SPTLC2: variants seen among roughly 807,000 people sequenced by gnomAD.
SPTLC2 encodes serine palmitoyltransferase long chain base subunit 2.
SPTLC2 carries 21 observed loss-of-function variants against 62.0 expected under a neutral mutation model. The ratio of observed to expected loss-of-function variants is 0.34; its 90% CI spans 0.24 to 0.49. SPTLC2 has a LOEUF of 0.49. Among genes scored for constraint, SPTLC2 ranks in the 20% least tolerant of loss-of-function variants. The probability of loss-of-function intolerance (pLI) is 0.99; values close to 1 mark genes in which losing one functional copy is unlikely to be tolerated. For synonymous variants in SPTLC2, 261 were observed against 261.8 expected (o/e 1.00, Z 0.03); for missense variants, 511 against 713.0 (o/e 0.72, Z 3.23).
intron 9 of SPTLC2, among the ~76,000 whole-genome samples, chr14:77,532,759 G>C (rs1416675133): frequency 6.6e-6 from 1 of 151,580 alleles, no homozygotes; most frequent in Non-Finnish European, 1.5e-5. Context: ...ACTCCAGCCT[G>C]GGCAACAGAG....
intron 10 of SPTLC2, 107 bp from the exon 11 acceptor site, chr14:77,518,274 G>A: frequency 6.6e-7 from 1 of 1,523,752 alleles, no homozygotes; most frequent in South Asian, 1.2e-5. Flanking sequence ...GCAGGCATTG[G>A]AGACTTCTAA....
chr14:77,550,702 G>A (rs1432782920), intron 9 of SPTLC2, among the ~76,000 whole-genome samples: 2 of 151,920 alleles, frequency 1.3e-5, no homozygotes, highest in Non-Finnish European at 2.9e-5. Context: ...AGGGGTTCAA[G>A]ACCAACCTGG....
intron 2 of SPTLC2, among the ~76,000 whole-genome samples, chr14:77,594,199 G>A (rs1345896032): frequency 1.3e-5 from 2 of 152,062 alleles, no homozygotes; most frequent in African/African-American, 2.4e-5. Flanking sequence ...TTGTATAATG[G>A]TTTTGCAAAG....
rs2079969270 is a variant in SPTLC2, at chr14:77,616,552, A to G, written c.28T>C (p.Cys10Arg). The change falls in exon 1 of 12, where the codon TGC becomes CGC. Residue 10 changes from cysteine (C) to arginine (R), a missense_variant. Transcript: ENST00000216484. ...CCATTCGCCCGCACCGTGCGGCGGC[A>G]GCAGCAGCCTCCGGGCTCCGGCCGC... Reference protein sequence around the residue: MRPEPGGCCCRRTVRANGCV... With the variant: MRPEPGGCCRRRTVRANGCV... The G allele has an allele frequency of 5.2e-6, 8 of 1,536,492 alleles. No homozygotes were observed. Among genetic ancestry groups the G allele is most frequent in the African/African-American group, 2.7e-5 (2 of 72,980 alleles).
rs182617224 is a variant in SPTLC2 at position 77,511,613 on chromosome 14, G to C, written c.*671C>G. On this transcript the variant is annotated 3_prime_UTR_variant, in exon 12 of 12. Transcript: ENST00000216484. The stretch of plus-strand genomic sequence containing the variant: ...CACATCCTCAGACTGTGACCATTAT[G>C]AAGAAGTATTTGATGGTAAAGGAAG... 6.4e-6 allele frequency: 1 copy of C among 155,358 alleles called. No individual in the cohort carries two copies. The highest frequency in any genetic ancestry group is 1.9e-4 in the East Asian group (1 of 5,254). The allele number at this position is 155,358 out of a possible 1,614,324, so 9.6% of individuals were successfully genotyped here.
intron 8 of SPTLC2, among the ~76,000 whole-genome samples, chr14:77,554,582 CT>C (rs982861771): frequency 1.3e-5 from 2 of 152,166 alleles, no homozygotes; most frequent in Admixed American, 6.5e-5. Context: ...ACATATATTA[CT>C]TTTTAAACCC....
intron 4 of SPTLC2, among the ~76,000 whole-genome samples, chr14:77,571,985 A>T (rs1363780511): frequency 6.6e-6 from 1 of 151,848 alleles, no homozygotes; most frequent in Non-Finnish European, 1.5e-5. Flanking sequence ...GACAGGTTTC[A>T]CCATGCTGGC....
chr14:77,539,267 T>C (rs1400707463), intron 9 of SPTLC2, among the ~76,000 whole-genome samples: 1 of 151,882 alleles, frequency 6.6e-6, no homozygotes, highest in African/African-American at 2.4e-5. Flanking sequence ...TTTTATCTTC[T>C]AGGGAGATAT....
chr14:77,507,873 T>C lies in SPTLC2; in HGVS notation c.*4411A>G, dbSNP rs2079313486. The C allele has an allele frequency of 6.6e-6, 1 of 152,248 alleles. No individual in the cohort carries two copies. The highest frequency in any genetic ancestry group is 2.4e-5 in the African/African-American group (1 of 41,474). The allele number at this position is 152,248 out of a possible 1,614,324, so 9.4% of individuals were successfully genotyped here. A position where few individuals can be genotyped will look rare whatever the true frequency, so the allele number is the denominator to read the frequency against. Reference sequence around the variant, plus strand: ...TATACCTCCCCATTCACAACCCCTTTGGGCTAAGCTGATTTAAAAAACATT... The same window carrying C: ...TATACCTCCCCATTCACAACCCCTTCGGGCTAAGCTGATTTAAAAAACATT... On this transcript the variant is annotated 3_prime_UTR_variant, in exon 12 of 12. Coordinates refer to ENST00000216484, the MANE Select transcript of SPTLC2 (RefSeq NM_004863.4).
intron 9 of SPTLC2, among the ~76,000 whole-genome samples, chr14:77,543,316 G>A (rs910404172): frequency 6.6e-6 from 1 of 152,162 alleles, no homozygotes; most frequent in Admixed American, 6.5e-5. Context: ...GCCTCAGAAA[G>A]TCTTAATGGA....
rs375664112 is a variant in SPTLC2, at chr14:77,564,962, G to A, written c.757-2473C>T. Among the ~76,000 whole-genome samples, 27 of 152,006 alleles carry A rather than the reference G, an allele frequency of 1.8e-4. No individual in the cohort carries two copies. The East Asian group carries it at 2.7e-3, about 15-fold the overall frequency. On this transcript the variant is annotated intron_variant, in intron 5 of 11. Coordinates refer to ENST00000216484, the MANE Select transcript of SPTLC2 (RefSeq NM_004863.4). ...CACCATTAGAACACCAAGGTAAGCC[G>A]GGTGCGGTGGCTCACGCCTGTAATC...
At chr14:77,519,033 T>C (rs1371618960) in intron 10 of SPTLC2, among the ~76,000 whole-genome samples, 1 of 152,246 alleles carries the variant, frequency 6.6e-6, no homozygotes, top group Non-Finnish European at 1.5e-5. Context: ...TTAGTTAATT[T>C]TGTCTACTAA....
rs556378802 is a variant in SPTLC2, at chr14:77,562,346, C to T, written c.850+50G>A. On this transcript the variant is annotated intron_variant, in intron 6 of 11. Coordinates refer to ENST00000216484, the MANE Select transcript of SPTLC2 (RefSeq NM_004863.4). ...ACTAATGTTAACTCCCACCATGGATCGAAAGAATAGCAAAACCAAGGCCAG... is the reference window on the plus strand; with the variant it reads ...ACTAATGTTAACTCCCACCATGGATTGAAAGAATAGCAAAACCAAGGCCAG... 14 of 1,522,782 alleles carry T rather than the reference C, an allele frequency of 9.2e-6. No individual in the cohort carries two copies. In the African/African-American group the frequency reaches 1.1e-4, roughly 12 times the overall value. The allele number at this position is 1,522,782 out of a possible 1,614,324, so 94.3% of individuals were successfully genotyped here. A position where few individuals can be genotyped will look rare whatever the true frequency, so the allele number is the denominator to read the frequency against.
chr14:77,591,093 A>G (rs1302401828), intron 2 of SPTLC2, among the ~76,000 whole-genome samples: 1 of 152,226 alleles, frequency 6.6e-6, no homozygotes, highest in African/African-American at 2.4e-5. Flanking sequence ...TCCCTATAGT[A>G]AGTAGAGATG....
At chr14:77,570,309 A>G (rs2079673948) in intron 5 of SPTLC2, 75 bp downstream of exon 5, 1 of 1,567,140 alleles carries the variant, frequency 6.4e-7, no homozygotes, top group Non-Finnish European at 8.7e-7. Flanking sequence ...AACAGCTTTT[A>G]GCTCACTCTG....
chr14:77,540,458 T>C (rs1009705827), intron 9 of SPTLC2, among the ~76,000 whole-genome samples: 3 of 152,112 alleles, frequency 2.0e-5, no homozygotes, highest in South Asian at 2.1e-4. Flanking sequence ...ATTTTATTTA[T>C]TTTTACTTTT....
In SPTLC2 at chr14:77,565,892, T is replaced by C. The variant is rs575715354; in HGVS notation, c.757-3403A>G. 2.6e-5 allele frequency among the ~76,000 whole-genome samples: 4 copies of C among 152,348 alleles called. No homozygotes were observed. In the South Asian group the frequency reaches 8.3e-4, roughly 32 times the overall value. ...GAATGAATGGTATACAGGAACTCTC[T>C]GTACTCTTTTGTAACTCTTTTTGTA... On this transcript the variant is annotated intron_variant, in intron 5 of 11. Transcript: ENST00000216484.
chr14:77,546,645 T>TGAGCAG lies in SPTLC2; in HGVS notation c.1303+5450_1303+5451insCTGCTC, dbSNP rs2079529612. Among the ~76,000 whole-genome samples, 4 of 152,320 alleles carry TGAGCAG rather than the reference T, an allele frequency of 2.6e-5. No individual in the cohort carries two copies. In the East Asian group the frequency reaches 7.7e-4, roughly 29 times the overall value. ...TGTTTTTTCAAAGGCAAAGATCACCTATTGTTCAACTCTGCATCTCCCACA... is the reference window on the plus strand; with the variant it reads ...TGTTTTTTCAAAGGCAAAGATCACCTGAGCAGATTGTTCAACTCTGCATCTCCCACA... On this transcript the variant is annotated intron_variant, in intron 9 of 11. Coordinates refer to ENST00000216484, the MANE Select transcript of SPTLC2 (RefSeq NM_004863.4).
intron 9 of SPTLC2, among the ~76,000 whole-genome samples, chr14:77,541,855 C>T (rs1464739322): frequency 6.6e-6 from 1 of 152,040 alleles, no homozygotes; most frequent in African/African-American, 2.4e-5. Context: ...TCAGGAGTTC[C>T]ACACCAGCCT....
Sources: gnomAD v4.1 joint callset for allele counts (sites outside exome capture counted in the v4.1 genomes callset) on GRCh38, gnomAD v4.1.1 for gene constraint, MANE v1.5 for transcripts, NCBI Gene and HGNC (gene_info 2026-07-23, HGNC 2026-07-21) for gene names.